The following IGF1 variants were observed in gnomAD, a reference collection of about 807,000 sequenced individuals.
IGF1 encodes insulin like growth factor 1.
IGF1 carries 4 observed loss-of-function variants against 13.8 expected under a neutral mutation model. That is an observed-to-expected ratio of 0.29 (90% CI 0.14 to 0.66). The LOEUF (loss-of-function observed/expected upper bound fraction) is 0.66. Among genes scored for constraint, IGF1 ranks in the 30% least tolerant of loss-of-function variants. The pLI is 0.78. For missense variants in IGF1, 124 were observed against 188.5 expected (o/e 0.66, Z 2.00); for synonymous variants, 76 against 72.6 (o/e 1.05, Z -0.23).
intron 2 of IGF1, among the ~76,000 whole-genome samples, chr12:102,446,070 C>T (rs890532701): frequency 8.6e-5 from 13 of 151,950 alleles, no homozygotes; most frequent in African/African-American, 3.1e-4. Flanking sequence ...GCCTTGCATC[C>T]CAGGGATGAT....
chr12:102,416,703 T>G (rs1875170629), intron 3 of IGF1, among the ~76,000 whole-genome samples: 2 of 152,000 alleles, frequency 1.3e-5, no homozygotes, highest in African/African-American at 4.8e-5. Context: ...AGATCTGTGG[T>G]GGGGTGGTGG....
At chr12:102,477,437 C>T (rs9282711) in intron 1 of IGF1, among the ~76,000 whole-genome samples, 1 of 151,834 alleles carries the variant, frequency 6.6e-6, no homozygotes, top group African/African-American at 2.4e-5. Context: ...TGAACATTTA[C>T]TGCATTTTTC....
At chr12:102,441,908 T>TGCTGCTGCTTCTTCTTCTTCC (rs1555244024) in intron 2 of IGF1, among the ~76,000 whole-genome samples, 11 of 109,390 alleles carry the variant, frequency 1.0e-4, no homozygotes, top group African/African-American at 2.8e-4. Context: ...ATTACACTGC[T>TGCTGCTGCTTCTTCTTCTTCC]TCTTCTCCTT....
chr12:102,403,623 ATTTTTTTTT>A (rs142169670), intron 3 of IGF1, among the ~76,000 whole-genome samples: 1 of 80,586 alleles, frequency 1.2e-5, no homozygotes, highest in Non-Finnish European at 2.3e-5. Context: ...TGCCTTGACA[ATTTTTTTTT>A]TTTTTTTTTT....
chr12:102,479,087 C>T (rs992107488), intron 1 of IGF1, among the ~76,000 whole-genome samples: 1 of 152,220 alleles, frequency 6.6e-6, no homozygotes, highest in Non-Finnish European at 1.5e-5. Context: ...GCTCCACAGC[C>T]TCTTTTATGA....
intron 3 of IGF1, among the ~76,000 whole-genome samples, chr12:102,409,112 A>G (rs1326745279): frequency 6.6e-6 from 1 of 152,184 alleles, no homozygotes; most frequent in Non-Finnish European, 1.5e-5. Flanking sequence ...GTGGGGTAAG[A>G]GCACCTACAT....
chr12:102,413,032 T>C lies in IGF1; in HGVS notation c.402+6477A>G, dbSNP rs368828100. ...TGCAGGTCTGGAAGTTTTGTGGACC[T>C]GGAGAATTTTTGCTAACCTCAGCTA... On this transcript the variant is annotated intron_variant, in intron 3 of 3. Transcript: ENST00000337514. 1.1e-4 allele frequency among the ~76,000 whole-genome samples: 17 copies of C among 152,320 alleles called. 1 individual carries two copies. The highest frequency in any genetic ancestry group is 2.0e-4 in the Admixed American group (3 of 15,304).
intron 2 of IGF1, among the ~76,000 whole-genome samples, chr12:102,428,895 C>T (rs1046529781): frequency 6.6e-6 from 1 of 152,100 alleles, no homozygotes; most frequent in Non-Finnish European, 1.5e-5. Context: ...AATGTCTAGC[C>T]GTAACTACAT....
intron 3 of IGF1, among the ~76,000 whole-genome samples, chr12:102,408,980 TC>T: frequency 6.6e-6 from 1 of 152,324 alleles, no homozygotes; most frequent in Admixed American, 6.5e-5. Flanking sequence ...ATCTTCTGTT[TC>T]TTGGAGGACC....
intron 3 of IGF1, among the ~76,000 whole-genome samples, chr12:102,407,029 G>T (rs1157271411): frequency 1.4e-5 from 2 of 141,222 alleles, no homozygotes; most frequent in Non-Finnish European, 3.1e-5. Flanking sequence ...AGGAGGCGGA[G>T]GTTGCAGTGA....
rs1024940718 is a variant in IGF1, at chr12:102,397,689, C to T, written c.*4818G>A. ...AACATTTTCCTTTTGTTGTTGCCCC[C>T]CTACCAGATCTGGACTTTATGGTCT... is the stretch of plus-strand genomic sequence containing the variant. On this transcript the variant is annotated 3_prime_UTR_variant, in exon 4 of 4. Coordinates refer to ENST00000337514, the MANE Select transcript of IGF1 (RefSeq NM_000618.5). The T allele has an allele frequency of 6.6e-6, 1 of 152,184 alleles. No homozygotes were observed. The highest frequency in any genetic ancestry group is 2.4e-5 in the African/African-American group (1 of 41,456). 9.4% of individuals were successfully genotyped at this position (152,184 alleles called of 1,614,324 possible). A position where few individuals can be genotyped will look rare whatever the true frequency, so the allele number is the denominator to read the frequency against.
intron 2 of IGF1, among the ~76,000 whole-genome samples, chr12:102,429,139 C>G (rs1565976704): frequency 6.6e-6 from 1 of 151,960 alleles, no homozygotes; most frequent in Non-Finnish European, 1.5e-5. Context: ...AAATACCAAG[C>G]AAGTATGCAG....
At chr12:102,454,453 C>A (rs550267458) in intron 2 of IGF1, among the ~76,000 whole-genome samples, 16 of 152,302 alleles carry the variant, frequency 1.1e-4, no homozygotes, top group African/African-American at 3.8e-4. Flanking sequence ...TCCTAGATTT[C>A]CCTGAAAGAT....
chr12:102,424,342 A>G (rs1411672333), intron 2 of IGF1, among the ~76,000 whole-genome samples: 1 of 152,050 alleles, frequency 6.6e-6, no homozygotes, highest in African/African-American at 2.4e-5. Flanking sequence ...GATAAAAAAC[A>G]CAAATGAAAT....
intron 3 of IGF1, among the ~76,000 whole-genome samples, chr12:102,417,178 C>G (rs1415146858): frequency 6.6e-6 from 1 of 151,136 alleles, no homozygotes; most frequent in Non-Finnish European, 1.5e-5. Flanking sequence ...CCCTAGCAAA[C>G]TTATACATCT....
intron 2 of IGF1, among the ~76,000 whole-genome samples, chr12:102,423,619 C>T (rs1320704085): frequency 1.3e-5 from 2 of 152,128 alleles, no homozygotes; most frequent in Admixed American, 1.3e-4. Flanking sequence ...GGCCAACAGA[C>T]AGAATTCCAA....
intron 3 of IGF1, among the ~76,000 whole-genome samples, chr12:102,409,190 C>A (rs929050295): frequency 1.3e-5 from 2 of 152,172 alleles, no homozygotes; most frequent in Non-Finnish European, 2.9e-5. Flanking sequence ...TAGTTGTATG[C>A]AGGAGAGTCT....
At chr12:102,468,135 CT>C in intron 2 of IGF1, among the ~76,000 whole-genome samples, 1 of 152,314 alleles carries the variant, frequency 6.6e-6, no homozygotes, top group Non-Finnish European at 1.5e-5. Flanking sequence ...ATTTCCTCCC[CT>C]CTTTTTGACC....
At chr12:102,462,497 C>A (rs1035757028) in intron 2 of IGF1, among the ~76,000 whole-genome samples, 7 of 152,104 alleles carry the variant, frequency 4.6e-5, no homozygotes, top group Admixed American at 3.9e-4. Context: ...TGTTACTGAA[C>A]CCCCATCTGA....
Sources: allele counts gnomAD v4.1 joint callset (sites outside exome capture counted in the v4.1 genomes callset), GRCh38; gene constraint gnomAD v4.1.1; transcripts MANE v1.5; gene names NCBI Gene and HGNC (gene_info 2026-07-23, HGNC 2026-07-21).